The following VIPR1 variants were observed in gnomAD, a reference collection of about 807,000 sequenced individuals.
The protein encoded by VIPR1 is vasoactive intestinal polypeptide receptor 1.
In VIPR1, 59 loss-of-function variants were observed where a neutral mutation model predicts 58.8. The ratio of observed to expected loss-of-function variants is 1.00; its 90% CI spans 0.81 to 1.25. VIPR1 has a LOEUF of 1.25. VIPR1 is among the 50% of genes most tolerant of loss of function. The pLI, the probability that VIPR1 is intolerant of heterozygous loss-of-function variation, is 0.00. For synonymous variants in VIPR1, 251 were observed against 242.1 expected (o/e 1.04, Z -0.34); for missense variants, 626 against 602.7 (o/e 1.04, Z -0.40).
At chr3:42,519,560 C>T (rs146713746) in intron 3 of VIPR1, 34 of 436,352 alleles carry the variant, frequency 7.8e-5, no homozygotes, top group African/African-American at 6.2e-4. Context: ...ATTTGCTCAA[C>T]AATTGATAAC....
chr3:42,530,216 T>A lies in VIPR1; in HGVS notation c.637-563T>A, dbSNP rs118035746. The A allele has an allele frequency of 1.8e-3, 271 of 153,860 alleles. 7 individuals are homozygous for A. In the East Asian group the frequency reaches 0.044, roughly 25 times the overall value. 9.5% of individuals were successfully genotyped at this position (153,860 alleles called of 1,614,324 possible). ...TAGGCAGCAGGATAAATGGGTTAAG[T>A]AAGGAAGATTGGACAGATGATAGGC... On this transcript the variant is annotated intron_variant, in intron 6 of 12. Transcript: ENST00000325123.
At chr3:42,493,602 G>A (rs1198250474) in intron 1 of VIPR1, among the ~76,000 whole-genome samples, 1 of 152,156 alleles carries the variant, frequency 6.6e-6, no homozygotes, top group South Asian at 2.1e-4. Context: ...TGGTCTTCAA[G>A]CCACAAGCTT....
In VIPR1 at chr3:42,536,080, C is replaced by T. The variant is rs779460135; in HGVS notation, c.1183-10C>T. 6.3e-6 allele frequency: 10 copies of T among 1,588,192 alleles called. No homozygotes were observed. The Admixed American group carries it at 1.7e-4, about 28-fold the overall frequency. On this transcript the variant is annotated splice_polypyrimidine_tract_variant and intron_variant, in intron 12 of 12. Coordinates refer to ENST00000325123, the MANE Select transcript of VIPR1 (RefSeq NM_004624.4). The stretch of plus-strand genomic sequence containing the variant: ...ACAGCAGTGGGCCTGACCACCTTCC[C>T]CTCTCCTAGGTGCAGGCGGAGCTGA...
At chr3:42,506,370 G>A (rs1007580248) in intron 1 of VIPR1, 3 of 152,166 alleles carry the variant, frequency 2.0e-5, no homozygotes, top group African/African-American at 4.8e-5. Flanking sequence ...AATGGGGCCT[G>A]GGGACTATGT....
rs535325417 is a variant in VIPR1 at position 42,516,080 on chromosome 3, T to TC, written c.184+2227dup. Among the ~76,000 whole-genome samples the TC allele has an allele frequency of 8.4e-4, 128 of 152,300 alleles. 1 individual carries two copies. Among genetic ancestry groups the TC allele is most frequent in the African/African-American group, 3.1e-3 (128 of 41,546 alleles). Reference sequence around the variant, plus strand: ...TGGCATGTACATGTCAGTGTGTGTATCTCTGTGTGCACACAAGTCTACAAA... The same window carrying TC: ...TGGCATGTACATGTCAGTGTGTGTATCCTCTGTGTGCACACAAGTCTACAAA... On this transcript the variant is annotated intron_variant, in intron 2 of 12. Transcript: ENST00000325123.
rs2125665924 is a variant in VIPR1, at chr3:42,525,511, C to T, written c.293-376C>T. On this transcript the variant is annotated intron_variant, in intron 3 of 12. Transcript: ENST00000325123. ...GCAGGCCTGGGCCCCTTCCCCCAGC[C>T]GTGGCCTTGTGACAAGGGTCAGCAT... Among the ~76,000 whole-genome samples, 3 of 152,238 alleles carry T rather than the reference C, an allele frequency of 2.0e-5. No individual in the cohort carries two copies. The South Asian group carries it at 6.2e-4, about 32-fold the overall frequency.
rs1477118497 is a variant in VIPR1 at position 42,536,203 on chromosome 3, G to T, written c.1296G>T (p.Thr432=). ...SGGSNGATCS[T]QVSMLTRVSP... is the part of the protein sequence containing the mutation. ...GCAGCAACGGCGCCACGTGCAGCAC[G>T]CAGGTTTCCATGCTGACCCGCGTCA... Residue 432 remains threonine (T), a synonymous_variant, in exon 13 of 13, where the codon ACG becomes ACT. Coordinates refer to ENST00000325123, the MANE Select transcript of VIPR1 (RefSeq NM_004624.4). The T allele has an allele frequency of 6.3e-7, 1 of 1,598,708 alleles. No homozygotes were observed. Among genetic ancestry groups the T allele is most frequent in the South Asian group, 1.1e-5 (1 of 88,588 alleles).
chr3:42,526,038 C>T (rs1701219153), intron 4 of VIPR1, 45 bp downstream of exon 4: 1 of 1,547,640 alleles, frequency 6.5e-7, no homozygotes, highest in East Asian at 2.3e-5. Context: ...GCGCCGGGGC[C>T]CACCTAGGAG....
At position 42,525,947 on chromosome 3, in the gene VIPR1, A is replaced by AC; in HGVS notation, c.357dup (p.Ile120HisfsTer7). On this transcript the variant is annotated frameshift_variant, in exon 4 of 13. Transcript: ENST00000325123. LOFTEE classifies it high-confidence loss of function. ...TGGACGCACCTGGAGCCTGGCCCGT[A>AC]CCCCATTGCCTGTGGTTTGGATGAC... The AC allele has an allele frequency of 6.2e-7, 1 of 1,613,556 alleles. No homozygotes were observed. The highest frequency in any genetic ancestry group is 8.5e-7 in the Non-Finnish European group (1 of 1,179,814).
chr3:42,532,523 C>T (rs547511993), intron 10 of VIPR1, 190 bp downstream of exon 10: 2 of 649,022 alleles, frequency 3.1e-6, no homozygotes, highest in African/African-American at 1.8e-5. Context: ...CCTCACCAGG[C>T]TGCACTCAGA....
chr3:42,531,802 G>A lies in VIPR1; in HGVS notation c.852-1G>A, dbSNP rs1272485246. The A allele has an allele frequency of 2.5e-5, 40 of 1,614,006 alleles. No individual in the cohort carries two copies. The highest frequency in any genetic ancestry group is 3.2e-5 in the Non-Finnish European group (38 of 1,180,026). On this transcript the variant is annotated splice_acceptor_variant, in intron 8 of 12. Transcript: ENST00000325123. LOFTEE classifies it high-confidence loss of function. ...CTCATTCCTCCCCACGGTCTGCTCAGGTGCTGGGACACCATCAACTCCTCA... is the reference window on the plus strand; with the variant it reads ...CTCATTCCTCCCCACGGTCTGCTCAAGTGCTGGGACACCATCAACTCCTCA...
At chr3:42,517,203 C>T (rs1216296336) in intron 2 of VIPR1, among the ~76,000 whole-genome samples, 2 of 152,210 alleles carry the variant, frequency 1.3e-5, no homozygotes, top group Non-Finnish European at 2.9e-5. Flanking sequence ...CTTGCTGCTG[C>T]CAGCCCACTC....
chr3:42,504,383 C>A (rs1375273424), intron 1 of VIPR1, among the ~76,000 whole-genome samples: 1 of 152,146 alleles, frequency 6.6e-6, no homozygotes, highest in African/African-American at 2.4e-5. Context: ...TACCCTCCCC[C>A]TGTCTTTCCA....
intron 6 of VIPR1, 191 bp from the exon 7 acceptor site, chr3:42,530,588 G>A (rs141111096): frequency 1.2e-4 from 72 of 602,874 alleles, no homozygotes; most frequent in African/African-American, 7.5e-4. Flanking sequence ...AGTTTATCCC[G>A]AAGTATCAGA....
At chr3:42,531,890 C>G in intron 9 of VIPR1, 21 bp downstream of exon 9, 2 of 1,613,858 alleles carry the variant, frequency 1.2e-6, no homozygotes, top group Non-Finnish European at 1.7e-6. Context: ...CTCCCACCAC[C>G]TAGAGATGGG....
chr3:42,498,807 G>T (rs532785381), upstream of VIPR1, among the ~76,000 whole-genome samples: 1 of 152,174 alleles, frequency 6.6e-6, no homozygotes, highest in Non-Finnish European at 1.5e-5. Flanking sequence ...CCCCAGATGA[G>T]TGCGGGTGTT....
At chr3:42,500,515 G>C (rs1189399856), upstream of VIPR1, 1 of 152,262 alleles carries the variant, frequency 6.6e-6, no homozygotes, top group Admixed American at 6.5e-5. Flanking sequence ...GCTAGGTGCT[G>C]TGTGTGTATG....
At position 42,530,950 on chromosome 3, in the gene VIPR1, GC is replaced by G. The variant is rs1225056873; in HGVS notation, c.790+19del. On this transcript the variant is annotated intron_variant, in intron 7 of 12. Transcript: ENST00000325123. ...CGGCTGGGGTATGGTACCAGGGAGG[GC>G]TTCCAGGCTGGGGACAGAGGGGGCA... is the stretch of plus-strand genomic sequence containing the variant. 1 of 1,613,086 alleles carries G rather than the reference GC, an allele frequency of 6.2e-7. No individual in the cohort carries two copies. Among genetic ancestry groups the G allele is most frequent in the Non-Finnish European group, 8.5e-7 (1 of 1,179,306 alleles).
intron 1 of VIPR1, among the ~76,000 whole-genome samples, chr3:42,495,742 G>A (rs1355201097): frequency 1.3e-5 from 2 of 152,048 alleles, no homozygotes; most frequent in East Asian, 3.9e-4. Context: ...TAGAACCTGA[G>A]GTCAACCTCT....
Sources: gnomAD v4.1 joint callset for allele counts (sites outside exome capture counted in the v4.1 genomes callset) on GRCh38, gnomAD v4.1.1 for gene constraint, MANE v1.5 for transcripts, NCBI Gene and HGNC (gene_info 2026-07-23, HGNC 2026-07-21) for gene names.